The following LINC00237 variants were observed in gnomAD, a reference collection of about 807,000 sequenced individuals.
LINC00237 encodes long intergenic non-protein coding RNA 237.
chr20:21,092,280 G>A (rs1221029951), intron 2 of LINC00237, among the ~76,000 whole-genome samples: 1 of 152,086 alleles, frequency 6.6e-6, no homozygotes, highest in Non-Finnish European at 1.5e-5. Flanking sequence ...GGATAAAGAT[G>A]GAACAAAAAG....
intron 2 of LINC00237, among the ~76,000 whole-genome samples, chr20:21,091,194 T>A (rs2030788538): frequency 6.8e-6 from 1 of 147,618 alleles, no homozygotes; most frequent in South Asian, 2.1e-4. Context: ...CACACACACC[T>A]TTTTTTATGG....
intron 2 of LINC00237, chr20:21,089,771 G>C (rs948155116): frequency 2.0e-5 from 3 of 152,182 alleles, no homozygotes; most frequent in East Asian, 1.9e-4. Context: ...GTGATGTTAA[G>C]AGAAAATTAA....
chr20:21,102,106 A>G (rs1463294224), intron 1 of LINC00237, among the ~76,000 whole-genome samples: 1 of 152,230 alleles, frequency 6.6e-6, no homozygotes, highest in Non-Finnish European at 1.5e-5. Context: ...GTTTTGCTTT[A>G]AGTATACTTG....
intron 3 of LINC00237, among the ~76,000 whole-genome samples, chr20:21,086,444 T>G (rs1403404689): frequency 6.6e-6 from 1 of 150,850 alleles, no homozygotes; most frequent in African/African-American, 2.4e-5. Context: ...CTATTAGCTA[T>G]ACAATCACAA....
At chr20:21,086,681 C>CTATGTATAGTATACTA (rs1568883469) in intron 3 of LINC00237, among the ~76,000 whole-genome samples, 1 of 5,152 alleles carries the variant, frequency 1.9e-4, no homozygotes, top group African/African-American at 2.6e-4. Flanking sequence ...ATATAGTATA[C>CTATGTATAGTATACTA]TACATATACA....
At chr20:21,096,507 G>A (rs1279366927) in intron 1 of LINC00237, among the ~76,000 whole-genome samples, 4 of 152,346 alleles carry the variant, frequency 2.6e-5, no homozygotes, top group Non-Finnish European at 5.9e-5. Context: ...CTGGTCAGCC[G>A]TGTGCCCAGT....
At chr20:21,087,850 G>C (rs1196108278) in intron 3 of LINC00237, 9 of 152,160 alleles carry the variant, frequency 5.9e-5, no homozygotes. Flanking sequence ...TGACAGATGA[G>C]TAAACTGAGG....
chr20:21,098,996 A>C (rs557714135), intron 1 of LINC00237, among the ~76,000 whole-genome samples: 3 of 152,384 alleles, frequency 2.0e-5, no homozygotes, highest in Admixed American at 6.5e-5. Context: ...TTTAGTGTAG[A>C]GACAAGAAGA....
chr20:21,102,342 C>T (rs1356371244), intron 1 of LINC00237, among the ~76,000 whole-genome samples: 2 of 152,174 alleles, frequency 1.3e-5, no homozygotes, highest in Admixed American at 1.3e-4. Flanking sequence ...CCACTCTCGA[C>T]GTGTCTGGAA....
At position 21,099,860 on chromosome 20, in the gene LINC00237, G is replaced by A. The variant is rs573184508; in HGVS notation, n.89-6008C>T. ...CTGCCAGATAATTCAGAAACTATCT[G>A]TATGAGCTGTTTATCAAATTATTAA... On this transcript the variant is annotated intron_variant and non_coding_transcript_variant, in intron 1 of 3. Transcript: ENST00000691244. Among the ~76,000 whole-genome samples, 6 of 152,284 alleles carry A rather than the reference G, an allele frequency of 3.9e-5. No individual in the cohort carries two copies. The South Asian group carries it at 1.2e-3, about 32-fold the overall frequency.
At chr20:21,095,899 T>C (rs1165603388) in intron 1 of LINC00237, among the ~76,000 whole-genome samples, 1 of 152,218 alleles carries the variant, frequency 6.6e-6, no homozygotes, top group Admixed American at 6.5e-5. Flanking sequence ...CCTCAGCCAG[T>C]GACTGATGGA....
chr20:21,098,763 TA>T (rs1483822393), intron 1 of LINC00237, among the ~76,000 whole-genome samples: 3 of 152,198 alleles, frequency 2.0e-5, no homozygotes, highest in Non-Finnish European at 4.4e-5. Flanking sequence ...GACAGAGAGA[TA>T]AAGATCCTCC....
At chr20:21,097,617 T>C (rs534993023) in intron 1 of LINC00237, among the ~76,000 whole-genome samples, 15 of 152,332 alleles carry the variant, frequency 9.8e-5, no homozygotes, top group African/African-American at 3.4e-4. Flanking sequence ...TTTAAGTTAT[T>C]GGACACAACT....
exon 2 of LINC00237, chr20:21,093,543 CACA>C (rs2030818548): frequency 6.6e-6 from 1 of 152,268 alleles, no homozygotes; most frequent in Admixed American, 6.5e-5. Context: ...ACGGTCCAAT[CACA>C]ACACAGGAGA....
chr20:21,089,228 T>A (rs2030757525), intron 2 of LINC00237, among the ~76,000 whole-genome samples: 1 of 151,560 alleles, frequency 6.6e-6, no homozygotes, highest in South Asian at 2.1e-4. Context: ...TTTATCTATA[T>A]TTTTGAAAGG....
chr20:21,103,121 G>C (rs945741174), intron 1 of LINC00237, among the ~76,000 whole-genome samples: 1 of 152,228 alleles, frequency 6.6e-6, no homozygotes, highest in Admixed American at 6.5e-5. Flanking sequence ...CGCACTCCCC[G>C]GCCTCAGAGC....
chr20:21,101,414 C>T lies in LINC00237; in HGVS notation n.88+4857G>A. The T allele has an allele frequency of 6.6e-6, 1 of 152,330 alleles. No individual in the cohort carries two copies. Among genetic ancestry groups the T allele is most frequent in the East Asian group, 1.9e-4 (1 of 5,174 alleles). The allele number at this position is 152,330 out of a possible 1,614,324, so 9.4% of individuals were successfully genotyped here. A position where few individuals can be genotyped will look rare whatever the true frequency, so the allele number is the denominator to read the frequency against. On this transcript the variant is annotated intron_variant and non_coding_transcript_variant, in intron 1 of 3. Coordinates refer to ENST00000691244, the Ensembl canonical transcript of LINC00237. This position sits in a 1 kb window ranked among gnomAD's most constrained non-coding sequence, Gnocchi z 4.3. ...GCTCCCGGGCGGACTCAAGACTTCACCCAGCGCTGGAGGTCGACCTTAATT... is the reference window on the plus strand; with the variant it reads ...GCTCCCGGGCGGACTCAAGACTTCATCCAGCGCTGGAGGTCGACCTTAATT...
chr20:21,102,503 C>G (rs2030945243), intron 1 of LINC00237, among the ~76,000 whole-genome samples: 1 of 152,128 alleles, frequency 6.6e-6, no homozygotes, highest in Non-Finnish European at 1.5e-5. Context: ...AGCTCATGCC[C>G]GGAACAGGGG....
intron 2 of LINC00237, chr20:21,090,349 G>C (rs1487318979): frequency 6.6e-6 from 1 of 152,228 alleles, no homozygotes; most frequent in African/African-American, 2.4e-5. Flanking sequence ...AACTGCATTA[G>C]ATTCAAGAAA....
Sources: allele counts gnomAD v4.1 joint callset (sites outside exome capture counted in the v4.1 genomes callset), GRCh38; gene constraint gnomAD v4.1.1; non-coding constraint Gnocchi (gnomAD v3.1); transcripts MANE v1.5; gene names NCBI Gene and HGNC (gene_info 2026-07-23, HGNC 2026-07-21).